Variants in CSMD3 observed in about 807,000 individuals in gnomAD.
CSMD3 encodes the protein CUB and Sushi multiple domains 3.
In CSMD3, 177 loss-of-function variants were observed where a neutral mutation model predicts 435.2. The ratio of observed to expected loss-of-function variants is 0.41; its 90% CI spans 0.36 to 0.46. The LOEUF is 0.46. Among genes scored for constraint, CSMD3 ranks in the 20% least tolerant of loss-of-function variants. CSMD3 has a pLI of 0.34. For missense variants in CSMD3, 4,265 were observed against 4,504.6 expected, an observed-to-expected ratio of 0.95 and a Z score of 1.52; for synonymous variants, 1,656 against 1,520.5, an observed-to-expected ratio of 1.09 and a Z score of -2.07.
chr8:113,371,043 C>T (rs575076899), intron 1 of CSMD3, among the ~76,000 whole-genome samples: 1 of 152,142 alleles, frequency 6.6e-6, no homozygotes, highest in East Asian at 1.9e-4. Context: ...GGAACTTAAT[C>T]ATATTATACT....
At chr8:112,712,025 T>C (rs1248798587) in intron 13 of CSMD3, among the ~76,000 whole-genome samples, 2 of 152,152 alleles carry the variant, frequency 1.3e-5, no homozygotes, top group East Asian at 1.9e-4. Flanking sequence ...AATATGCTTA[T>C]GGCCTGATAG....
chr8:112,800,056 T>A, intron 13 of CSMD3, 106 bp downstream of exon 13: 1 of 739,216 alleles, frequency 1.4e-6, no homozygotes, highest in South Asian at 1.5e-5. Flanking sequence ...AAATGTAGCA[T>A]GTGTTCTGCA....
At position 113,068,548 on chromosome 8, in the gene CSMD3, A is replaced by T. The variant is rs181005470; in HGVS notation, c.917+30208T>A. Among the ~76,000 whole-genome samples the T allele has an allele frequency of 2.2e-3, 334 of 152,218 alleles. 1 individual carries two copies. Among genetic ancestry groups the T allele is most frequent in the African/African-American group, 7.7e-3 (319 of 41,552 alleles). On this transcript the variant is annotated intron_variant, in intron 5 of 70. Coordinates refer to ENST00000297405, the MANE Select transcript of CSMD3 (RefSeq NM_198123.2). ...ACCTAGCCCTTAGGACTGTGCCAAC[A>T]ATCATCTTTGTGTACCTGGTTAGAA...
intron 13 of CSMD3, among the ~76,000 whole-genome samples, chr8:112,790,393 AAAAG>A (rs1375538074): frequency 6.6e-6 from 1 of 152,080 alleles, no homozygotes; most frequent in Non-Finnish European, 1.5e-5. Flanking sequence ...TATATGGAGA[AAAAG>A]AAAGATGTTT....
intron 3 of CSMD3, among the ~76,000 whole-genome samples, chr8:113,257,194 G>A (rs1405412787): frequency 1.3e-5 from 2 of 152,092 alleles, no homozygotes. Flanking sequence ...GGATCACGTG[G>A]TCAGGAGATC....
intron 10 of CSMD3, among the ~76,000 whole-genome samples, chr8:112,918,577 A>G (rs561850142): frequency 6.6e-6 from 1 of 151,900 alleles, no homozygotes; most frequent in African/African-American, 2.4e-5. Context: ...TTCAACACAT[A>G]AGGCTACTTT....
intron 1 of CSMD3, among the ~76,000 whole-genome samples, chr8:113,384,601 C>T (rs1406334143): frequency 6.6e-6 from 1 of 152,094 alleles, no homozygotes; most frequent in Non-Finnish European, 1.5e-5. Context: ...ATCTGAGACC[C>T]AGTTCTCAAA....
chr8:112,987,986 C>A (rs2131001516), intron 6 of CSMD3, among the ~76,000 whole-genome samples: 1 of 152,084 alleles, frequency 6.6e-6, no homozygotes, highest in Admixed American at 6.6e-5. Context: ...CACATCATCT[C>A]TAAGGAAAAT....
At chr8:112,264,814 T>C (rs1157594565) in intron 60 of CSMD3, among the ~76,000 whole-genome samples, 5 of 152,132 alleles carry the variant, frequency 3.3e-5, no homozygotes, top group Non-Finnish European at 7.4e-5. Flanking sequence ...TGACATTGCA[T>C]GTACAGTATT....
chr8:112,876,376 A>C (rs2081282478), intron 10 of CSMD3, among the ~76,000 whole-genome samples: 1 of 152,104 alleles, frequency 6.6e-6, no homozygotes, highest in African/African-American at 2.4e-5. Context: ...GACACAACAA[A>C]AAAAAAGAAC....
chr8:112,370,129 T>C (rs1454979022), intron 38 of CSMD3, among the ~76,000 whole-genome samples: 1 of 151,958 alleles, frequency 6.6e-6, no homozygotes, highest in East Asian at 1.9e-4. Context: ...TCAGTGATAA[T>C]AGCCAAGGCA....
At position 112,378,432 on chromosome 8, in the gene CSMD3, G is replaced by A. The variant is rs553131055; in HGVS notation, c.6136+1920C>T. On this transcript the variant is annotated intron_variant, in intron 38 of 70. Coordinates refer to ENST00000297405, the MANE Select transcript of CSMD3 (RefSeq NM_198123.2). Reference sequence around the variant, plus strand: ...CGGAATCAACCTGTGTCCATCAATGGATGAATGGATAAGGAAAATGTGGTA... The same window carrying A: ...CGGAATCAACCTGTGTCCATCAATGAATGAATGGATAAGGAAAATGTGGTA... Among the ~76,000 whole-genome samples the A allele has an allele frequency of 2.0e-5, 3 of 152,240 alleles. No homozygotes were observed. In the South Asian group the frequency reaches 6.2e-4, roughly 32 times the overall value.
chr8:113,251,079 T>A (rs769712973), intron 3 of CSMD3, among the ~76,000 whole-genome samples: 2 of 152,160 alleles, frequency 1.3e-5, no homozygotes, highest in Non-Finnish European at 2.9e-5. Flanking sequence ...TTACAAGTTA[T>A]TCAGTATCTA....
In CSMD3 at chr8:112,686,635, C is replaced by T. The variant is rs780815162; in HGVS notation, c.2156-903G>A. Among the ~76,000 whole-genome samples, 9 of 151,716 alleles carry T rather than the reference C, an allele frequency of 5.9e-5. No homozygotes were observed. The East Asian group carries it at 1.6e-3, about 26-fold the overall frequency. ...CGGAGTAGCTGGGAATACAGGCACG[C>T]CCACCACGCCCAGCTAATTTTTGTA... On this transcript the variant is annotated intron_variant, in intron 14 of 70. Transcript: ENST00000297405.
At chr8:113,057,735 T>C (rs1236635675) in intron 5 of CSMD3, among the ~76,000 whole-genome samples, 1 of 151,938 alleles carries the variant, frequency 6.6e-6, no homozygotes, top group Non-Finnish European at 1.5e-5. Flanking sequence ...TGAAAAGCTT[T>C]CTTTTTTAAA....
intron 22 of CSMD3, among the ~76,000 whole-genome samples, chr8:112,595,149 C>A (rs1364825448): frequency 2.0e-5 from 3 of 147,846 alleles, no homozygotes; most frequent in Non-Finnish European, 3.0e-5. Context: ...ACTAGAATAA[C>A]CAATACAGAG....
rs113462268 is a variant in CSMD3 at position 112,337,177 on chromosome 8, C to T, written c.6842-348G>A. On this transcript the variant is annotated intron_variant, in intron 43 of 70. Coordinates refer to ENST00000297405, the MANE Select transcript of CSMD3 (RefSeq NM_198123.2). ...ATAAGGCCTTATAAGAGGTTCAAAG[C>T]CTTTTATTTCAAAGGATTTTCTAGA... is the stretch of plus-strand genomic sequence containing the variant. Among the ~76,000 whole-genome samples, 367 of 152,160 alleles carry T rather than the reference C, an allele frequency of 2.4e-3. 1 individual carries two copies. Among genetic ancestry groups the T allele is most frequent in the African/African-American group, 8.5e-3 (351 of 41,536 alleles).
chr8:113,214,916 A>G (rs2092884019), intron 3 of CSMD3, among the ~76,000 whole-genome samples: 1 of 151,870 alleles, frequency 6.6e-6, no homozygotes, highest in Admixed American at 6.6e-5. Context: ...TTGAAATATT[A>G]TCGAATTCTA....
At chr8:113,221,078 G>A (rs1337263761) in intron 3 of CSMD3, among the ~76,000 whole-genome samples, 1 of 151,250 alleles carries the variant, frequency 6.6e-6, no homozygotes, top group Non-Finnish European at 1.5e-5. Context: ...AAGCTAAAAT[G>A]TTATGGCGGC....
Sources: gnomAD v4.1 joint callset for allele counts (sites outside exome capture counted in the v4.1 genomes callset) on GRCh38, gnomAD v4.1.1 for gene constraint, MANE v1.5 for transcripts, NCBI Gene and HGNC (gene_info 2026-07-23, HGNC 2026-07-21) for gene names.